The following CYP2W1 variants were observed in gnomAD, a reference collection of about 807,000 sequenced individuals.
CYP2W1 encodes the protein cytochrome P450 family 2 subfamily W member 1.
Under a neutral mutation model 44.9 loss-of-function variants are expected in CYP2W1, and 51 were observed. The observed-to-expected ratio is 1.14, with a 90% CI of 0.91 to 1.43. The LOEUF (loss-of-function observed/expected upper bound fraction) is 1.43, where lower values mean the gene tolerates loss of function less well. Ranked by LOEUF, CYP2W1 falls within the 40% of genes most tolerant of loss-of-function variation. The probability of loss-of-function intolerance (pLI) is 0.00; values close to 1 mark genes in which losing one functional copy is unlikely to be tolerated. For synonymous variants in CYP2W1, 383 were observed against 338.3 expected, an observed-to-expected ratio of 1.13 and a Z score of -1.45; for missense variants, 746 against 700.0, an observed-to-expected ratio of 1.07 and a Z score of -0.74.
chr7:987,570 G>A, intron 7 of CYP2W1, 39 bp downstream of exon 7: 2 of 1,473,666 alleles, frequency 1.4e-6, no homozygotes, highest in South Asian at 2.6e-5. Context: ...ATCTCCTCTG[G>A]GGTAGGCCTC....
rs896147674 is a variant in CYP2W1, at chr7:983,358, G to A, written c.147G>A (p.Leu49=). Residue 49 remains leucine (L), a synonymous_variant, in exon 1 of 9, where the codon CTG becomes CTA. Transcript: ENST00000308919. ...TCGGGAACCTGCACTTGCTGCGTCT[G>A]TCGCAACAGGACCGGTCCCTGATGG... ...PLVGNLHLLR[L]SQQDRSLMEL... 1.4e-5 allele frequency: 22 copies of A among 1,535,684 alleles called. No individual in the cohort carries two copies. In the African/African-American group the frequency reaches 2.5e-4, roughly 17 times the overall value.
At chr7:987,914 GGGGATCCCCTGTGTGTCCT>G (rs1186373114) in intron 7 of CYP2W1, among the ~76,000 whole-genome samples, 2 of 144,080 alleles carry the variant, frequency 1.4e-5, no homozygotes, top group Non-Finnish European at 3.0e-5. Flanking sequence ...TGTGTGTCCT[GGGGATCCCCTGTGTGTCCT>G]GGGGGGGTCC....
chr7:985,639 C>T (rs1427198096), intron 4 of CYP2W1, among the ~76,000 whole-genome samples: 1 of 152,170 alleles, frequency 6.6e-6, no homozygotes, highest in Non-Finnish European at 1.5e-5. Flanking sequence ...GGCTCCATGT[C>T]TGCCCCCCAA....
Position 983,235 on chromosome 7 carries a change from C to A in CYP2W1, c.24C>A (p.Phe8Leu). MALLLLL[F>L]LGLLGLWGLL... ...TCATGGCCCTGCTGCTCTTGCTGTT[C>A]CTGGGCCTCCTGGGGCTCTGGGGGC... is the stretch of plus-strand genomic sequence containing the variant. The change falls in exon 1 of 9, where the codon TTC becomes TTA. Residue 8 changes from phenylalanine (F) to leucine (L), a missense_variant. Phe to Leu is a conservative substitution (Grantham distance 22). Coordinates refer to ENST00000308919, the MANE Select transcript of CYP2W1 (RefSeq NM_017781.3). 6.5e-7 allele frequency: 1 copy of A among 1,527,708 alleles called. No individual in the cohort carries two copies. Among genetic ancestry groups the A allele is most frequent in the Admixed American group, 2.0e-5 (1 of 49,702 alleles). The allele number at this position is 1,527,708 out of a possible 1,614,324, so 94.6% of individuals were successfully genotyped here.
Position 984,289 on chromosome 7 carries a change from C to G in CYP2W1, c.175-123C>G, listed in dbSNP as rs187443243. 1.6e-4 allele frequency: 206 copies of G among 1,315,480 alleles called. No individual in the cohort carries two copies. In the African/African-American group the frequency reaches 2.9e-3, roughly 18 times the overall value. 81.5% of individuals were successfully genotyped at this position (1,315,480 alleles called of 1,614,324 possible). ...TGGCTTTATGGCATCTAGGCGTGCC[C>G]CCTCCACCTGCCCCCATTTTCCCTC... On this transcript the variant is annotated intron_variant, in intron 1 of 8. Transcript: ENST00000308919.
chr7:988,864 C>G lies in CYP2W1; in HGVS notation c.*42C>G, dbSNP rs2128125565. ...CAGGTCCTCCTGACCACTCCCCTCC[C>G]AGCCCTGGGTCCTCCCACCCTCTCT... On this transcript the variant is annotated 3_prime_UTR_variant, in exon 9 of 9. Transcript: ENST00000308919. The G allele has an allele frequency of 3.1e-6, 4 of 1,285,172 alleles. No individual in the cohort carries two copies. The highest frequency in any genetic ancestry group is 4.3e-6 in the Non-Finnish European group (4 of 938,622). The allele number at this position is 1,285,172 out of a possible 1,614,324, so 79.6% of individuals were successfully genotyped here.
chr7:987,312 G>C (rs1160733012), intron 6 of CYP2W1, 35 bp from the exon 7 acceptor site: 1 of 1,536,942 alleles, frequency 6.5e-7, no homozygotes, highest in African/African-American at 1.4e-5. Context: ...ACGAGGGATG[G>C]CGCTGCCACC....
intron 1 of CYP2W1, 134 bp from the exon 2 acceptor site, chr7:984,278 C>T: frequency 4.1e-6 from 5 of 1,211,864 alleles, no homozygotes; most frequent in Non-Finnish European, 5.6e-6. Context: ...TTTATGGCAT[C>T]TAGGCGTGCC....
Position 987,400 on chromosome 7 carries a change from C to G in CYP2W1, c.1012C>G (p.Leu338Val), listed in dbSNP as rs1174951007. 1 of 1,594,970 alleles carries G rather than the reference C, an allele frequency of 6.3e-7. No homozygotes were observed. Residue 338 changes from leucine (L) to valine (V), a missense_variant, in exon 7 of 9, where the codon CTG becomes GTG. Leu to Val is a conservative substitution (Grantham distance 32, BLOSUM62 1). Coordinates refer to ENST00000308919, the MANE Select transcript of CYP2W1 (RefSeq NM_017781.3). ...GCTGGGCCCTGGGCGGACTCCCCGG[C>G]TGGAGGACCAGCAGGCTCTGCCCTA... ...RVLGPGRTPR[L>V]EDQQALPYTS... is the part of the protein sequence containing the mutation.
At chr7:984,076 C>T (rs1014894035) in intron 1 of CYP2W1, among the ~76,000 whole-genome samples, 5 of 152,226 alleles carry the variant, frequency 3.3e-5, no homozygotes, top group African/African-American at 1.2e-4. Flanking sequence ...TCTGTGCAGA[C>T]TCTGGCCTTT....
At chr7:986,075 A>G (rs1330389472) in intron 4 of CYP2W1, among the ~76,000 whole-genome samples, 1 of 152,214 alleles carries the variant, frequency 6.6e-6, no homozygotes. Context: ...CCAGGGCAGC[A>G]GAGCATTCCC....
At position 988,221 on chromosome 7, in the gene CYP2W1, G is replaced by A. The variant is rs114541366; in HGVS notation, c.1144-56G>A. On this transcript the variant is annotated intron_variant, in intron 7 of 8. Coordinates refer to ENST00000308919, the MANE Select transcript of CYP2W1 (RefSeq NM_017781.3). ...TCCTGGAATGAAACTTCCCAACCCA[G>A]GCCCCATCCCATCTTCCCCGGGGCC... is the stretch of plus-strand genomic sequence containing the variant. The A allele has an allele frequency of 1.6e-4, 241 of 1,528,902 alleles. 1 individual carries two copies. The African/African-American group carries it at 2.6e-3, about 17-fold the overall frequency. 94.7% of individuals were successfully genotyped at this position (1,528,902 alleles called of 1,614,324 possible).
At chr7:987,969 G>A (rs376848800) in intron 7 of CYP2W1, among the ~76,000 whole-genome samples, 1 of 136,074 alleles carries the variant, frequency 7.3e-6, no homozygotes, top group Admixed American at 7.2e-5. Context: ...GGTCCCCTCT[G>A]TGTGTCCTGG....
rs3735684 is a variant in CYP2W1 at position 985,219 on chromosome 7, G to A, written c.541G>A (p.Ala181Thr). The change falls in exon 4 of 9, where the codon GCG becomes ACG. Residue 181 changes from alanine (A) to threonine (T), a missense_variant. Transcript: ENST00000308919. ...LGWAPSNITF[A>T]LLFGRRFDYR... ...CTGGGCTCCCTCCAATATCACCTTCGCGCTCCTCTTCGGCCGCCGATTTGA... is the reference window on the plus strand; with the variant it reads ...CTGGGCTCCCTCCAATATCACCTTCACGCTCCTCTTCGGCCGCCGATTTGA... 94,575 of 1,556,724 alleles carry A rather than the reference G, an allele frequency of 0.061. 3,232 individuals carry two copies. The highest frequency in any genetic ancestry group is 0.13 in the Admixed American group (6,606 of 51,400).
At position 983,371 on chromosome 7, in the gene CYP2W1, C is replaced by T. The variant is rs567230427; in HGVS notation, c.160C>T (p.Arg54Trp). 9 of 1,523,160 alleles carry T rather than the reference C, an allele frequency of 5.9e-6. No individual in the cohort carries two copies. The highest frequency in any genetic ancestry group is 1.4e-5 in the African/African-American group (1 of 72,460). The allele number at this position is 1,523,160 out of a possible 1,614,324, so 94.4% of individuals were successfully genotyped here. ...LHLLRLSQQD[R>W]SLMELSERYG... Reference sequence around the variant, plus strand: ...CTTGCTGCGTCTGTCGCAACAGGACCGGTCCCTGATGGAGGTAAGTCAGGG... The same window carrying T: ...CTTGCTGCGTCTGTCGCAACAGGACTGGTCCCTGATGGAGGTAAGTCAGGG... Residue 54 changes from arginine (R) to tryptophan (W), a missense_variant, in exon 1 of 9, where the codon CGG (arginine) becomes TGG (tryptophan). Transcript: ENST00000308919.
At position 983,337 on chromosome 7, in the gene CYP2W1, G is replaced by A; in HGVS notation, c.126G>A (p.Gly42=). ...GGCCTCGCCCGCTGCCGCTCGTCGGGAACCTGCACTTGCTGCGTCTGTCGC... is the reference window on the plus strand; with the variant it reads ...GGCCTCGCCCGCTGCCGCTCGTCGGAAACCTGCACTTGCTGCGTCTGTCGC... ...PPGPRPLPLV[G]NLHLLRLSQQ... The change falls in exon 1 of 9, where the codon GGG becomes GGA. Residue 42 remains glycine (G), a synonymous_variant. Transcript: ENST00000308919. 6.5e-7 allele frequency: 1 copy of A among 1,538,964 alleles called. No individual in the cohort carries two copies. The highest frequency in any genetic ancestry group is 8.7e-7 in the Non-Finnish European group (1 of 1,144,634).
At position 985,238 on chromosome 7, in the gene CYP2W1, G is replaced by A. The variant is rs1322251139; in HGVS notation, c.560G>A (p.Arg187Gln). 26 of 1,552,854 alleles carry A rather than the reference G, an allele frequency of 1.7e-5. No homozygotes were observed. The highest frequency in any genetic ancestry group is 1.2e-4 in the East Asian group (5 of 41,216). The change falls in exon 4 of 9, where the codon CGA (arginine) becomes CAA (glutamine). Residue 187 changes from arginine to glutamine, a missense_variant. Physicochemically the swap from Arg to Gln is conservative, Grantham distance 43. Transcript: ENST00000308919. ...NITFALLFGR[R>Q]FDYRDPVFVS... ...ACCTTCGCGCTCCTCTTCGGCCGCC[G>A]ATTTGACTACCGGGACCCCGTGTTT...
Position 987,547 on chromosome 7 carries a change from C to T in CYP2W1, c.1143+16C>T. On this transcript the variant is annotated intron_variant, in intron 7 of 8. Coordinates refer to ENST00000308919, the MANE Select transcript of CYP2W1 (RefSeq NM_017781.3). ...GCTCCCCAAGGTGGGGCTGGGCCTC[C>T]CTTGCCCCTTCCATCTCCTCTGGGG... The T allele has an allele frequency of 6.6e-7, 1 of 1,504,334 alleles. No individual in the cohort carries two copies. Among genetic ancestry groups the T allele is most frequent in the Non-Finnish European group, 8.9e-7 (1 of 1,125,192 alleles). The allele number at this position is 1,504,334 out of a possible 1,614,324, so 93.2% of individuals were successfully genotyped here. A position where few individuals can be genotyped will look rare whatever the true frequency, so the allele number is the denominator to read the frequency against.
In CYP2W1 at chr7:984,953, T is replaced by C. The variant is rs772487691; in HGVS notation, c.341T>C (p.Ile114Thr). Residue 114 changes from isoleucine to threonine, a missense_variant, in exon 3 of 9, where the codon ATC becomes ACC. Transcript: ENST00000308919. ...IFQLIQRGGG[I>T]FFSSGARWRA... ...CACGCACTGTATCTGCCTACAGGCATCTTCTTCTCATCTGGGGCGCGCTGG... is the reference window on the plus strand; with the variant it reads ...CACGCACTGTATCTGCCTACAGGCACCTTCTTCTCATCTGGGGCGCGCTGG... 1.9e-6 allele frequency: 3 copies of C among 1,598,470 alleles called. No homozygotes were observed. Among genetic ancestry groups the C allele is most frequent in the African/African-American group, 2.7e-5 (2 of 74,698 alleles).
Sources: allele counts gnomAD v4.1 joint callset (sites outside exome capture counted in the v4.1 genomes callset), GRCh38; gene constraint gnomAD v4.1.1; transcripts MANE v1.5; gene names NCBI Gene and HGNC (gene_info 2026-07-23, HGNC 2026-07-21).